The following COLEC12 variants were observed in gnomAD, a reference collection of about 807,000 sequenced individuals.
The protein encoded by COLEC12 is collectin subfamily member 12, also known as collectin-12.
In COLEC12, 33 loss-of-function variants were observed where a neutral mutation model predicts 71.1. The observed-to-expected ratio is 0.46, with a 90% CI of 0.35 to 0.62. The LOEUF (loss-of-function observed/expected upper bound fraction) is 0.62. Among genes scored for constraint, COLEC12 ranks in the 20% least tolerant of loss-of-function variants. The pLI is 0.00. For synonymous variants in COLEC12, 350 were observed against 353.0 expected, an observed-to-expected ratio of 0.99 and a Z score of 0.10; for missense variants, 765 against 916.1, an observed-to-expected ratio of 0.84 and a Z score of 2.13.
At chr18:372,379 TC>T (rs1418369705) in intron 2 of COLEC12, among the ~76,000 whole-genome samples, 1 of 152,136 alleles carries the variant, frequency 6.6e-6, no homozygotes, top group Non-Finnish European at 1.5e-5. Flanking sequence ...CAAAATAATT[TC>T]CCATATCATT....
At chr18:485,931 C>G (rs1324249822) in intron 1 of COLEC12, among the ~76,000 whole-genome samples, 1 of 152,208 alleles carries the variant, frequency 6.6e-6, no homozygotes, top group Non-Finnish European at 1.5e-5. Context: ...ACAGGAAACT[C>G]ATCACATTGT....
intron 2 of COLEC12, among the ~76,000 whole-genome samples, chr18:373,481 T>C (rs1915046304): frequency 6.6e-6 from 1 of 152,222 alleles, no homozygotes; most frequent in Non-Finnish European, 1.5e-5. Flanking sequence ...TACTAATTCC[T>C]CAGTGAGGAG....
intron 1 of COLEC12, among the ~76,000 whole-genome samples, chr18:490,022 T>C (rs973170998): frequency 6.6e-6 from 1 of 152,228 alleles, no homozygotes; most frequent in Non-Finnish European, 1.5e-5. Flanking sequence ...CCCTGGAATC[T>C]GGGCAGGCCC....
intron 1 of COLEC12, among the ~76,000 whole-genome samples, chr18:492,911 A>G (rs759774755): frequency 6.6e-6 from 1 of 152,334 alleles, no homozygotes; most frequent in East Asian, 1.9e-4. Flanking sequence ...TGTCACACTT[A>G]AGAGATTTCA....
intron 2 of COLEC12, among the ~76,000 whole-genome samples, chr18:465,190 C>T (rs548902425): frequency 1.3e-5 from 2 of 152,302 alleles, no homozygotes; most frequent in African/African-American, 4.8e-5. Context: ...GCAACCTCTG[C>T]CTCCCAGGTT....
intron 8 of COLEC12, among the ~76,000 whole-genome samples, chr18:326,687 T>G (rs1210054914): frequency 6.6e-6 from 1 of 152,152 alleles, no homozygotes; most frequent in African/African-American, 2.4e-5. Flanking sequence ...TTGAGACGTA[T>G]TTTATGGCCC....
intron 2 of COLEC12, among the ~76,000 whole-genome samples, chr18:417,807 T>C (rs1219790249): frequency 6.6e-6 from 1 of 152,200 alleles, no homozygotes; most frequent in African/African-American, 2.4e-5. Flanking sequence ...GTATTAGTTC[T>C]CCCTGGAGAC....
chr18:452,365 C>T lies in COLEC12; in HGVS notation c.58+28342G>A, dbSNP rs532839848. Among the ~76,000 whole-genome samples the T allele has an allele frequency of 9.9e-5, 15 of 152,230 alleles. No homozygotes were observed. The South Asian group carries it at 1.9e-3, about 19-fold the overall frequency. On this transcript the variant is annotated intron_variant, in intron 2 of 9. Transcript: ENST00000400256. ...GATAAAATGGGATACTTTCTTATAG[C>T]GCTATAGTAAGAATTAATTGAGATG... is the stretch of plus-strand genomic sequence containing the variant.
chr18:467,442 G>A (rs1252626851), intron 2 of COLEC12, among the ~76,000 whole-genome samples: 1 of 152,150 alleles, frequency 6.6e-6, no homozygotes, highest in South Asian at 2.1e-4. Flanking sequence ...CTTAAGAAGG[G>A]GCACAGCTAA....
At chr18:390,805 G>T (rs771820064) in intron 2 of COLEC12, among the ~76,000 whole-genome samples, 81 of 151,434 alleles carry the variant, frequency 5.3e-4, no homozygotes, top group Non-Finnish European at 1.0e-3. Flanking sequence ...CGGCTCCTTT[G>T]GTTTCTTTGG....
At chr18:471,932 A>C (rs1034741726) in intron 2 of COLEC12, among the ~76,000 whole-genome samples, 1 of 152,100 alleles carries the variant, frequency 6.6e-6, no homozygotes, top group South Asian at 2.1e-4. Context: ...GCCCCTGGGA[A>C]AGCTGCTTTG....
rs1917789466 is a variant in COLEC12, at chr18:500,054, C to G, written c.7+454G>C. ...AGAACATCCCCAGTCCCGGAGAAAA[C>G]ACCCGGCCGCCAGCGCGGGGACCGC... On this transcript the variant is annotated intron_variant, in intron 1 of 9. Coordinates refer to ENST00000400256, the MANE Select transcript of COLEC12 (RefSeq NM_130386.3). The surrounding 1 kb of genome is among the most constrained non-coding windows in gnomAD (Gnocchi z 5.3). Among the ~76,000 whole-genome samples, 1 of 152,228 alleles carries G rather than the reference C, an allele frequency of 6.6e-6. No individual in the cohort carries two copies. Among genetic ancestry groups the G allele is most frequent in the Non-Finnish European group, 1.5e-5 (1 of 68,042 alleles).
At chr18:367,761 G>A (rs1041005791) in intron 2 of COLEC12, among the ~76,000 whole-genome samples, 4 of 152,174 alleles carry the variant, frequency 2.6e-5, no homozygotes, top group Non-Finnish European at 5.9e-5. Context: ...ACGGAATGAC[G>A]ACCATCCCTG....
intron 2 of COLEC12, among the ~76,000 whole-genome samples, chr18:409,504 G>A (rs1202884430): frequency 2.6e-5 from 4 of 152,096 alleles, no homozygotes; most frequent in African/African-American, 7.2e-5. Flanking sequence ...CAGCCTGGGC[G>A]ACAAGAGCAA....
chr18:329,410 T>A (rs1426702567), intron 8 of COLEC12, among the ~76,000 whole-genome samples: 1 of 152,194 alleles, frequency 6.6e-6, no homozygotes, highest in Non-Finnish European at 1.5e-5. Context: ...ACCCCGGCGC[T>A]CTTGGCTGTC....
intron 2 of COLEC12, among the ~76,000 whole-genome samples, chr18:451,349 G>A (rs1374590379): frequency 6.6e-6 from 1 of 151,930 alleles, no homozygotes; most frequent in Non-Finnish European, 1.5e-5. Flanking sequence ...GAGCCCAAAA[G>A]TTTGGAAAAT....
intron 3 of COLEC12, among the ~76,000 whole-genome samples, chr18:355,017 C>A (rs758652841): frequency 2.6e-5 from 4 of 151,914 alleles, no homozygotes; most frequent in Non-Finnish European, 5.9e-5. Flanking sequence ...TGGAAGGCAG[C>A]CCTAATGCAC....
At chr18:415,662 C>G (rs1248244465) in intron 2 of COLEC12, among the ~76,000 whole-genome samples, 1 of 152,056 alleles carries the variant, frequency 6.6e-6, no homozygotes, top group Admixed American at 6.5e-5. Flanking sequence ...GCTGTATGTA[C>G]GAAGTCATGA....
intron 2 of COLEC12, among the ~76,000 whole-genome samples, chr18:410,374 G>A (rs1211501906): frequency 6.6e-6 from 1 of 151,564 alleles, no homozygotes; most frequent in African/African-American, 2.4e-5. Flanking sequence ...GACTGTGAAA[G>A]GTGGAGTAAA....
Sources: allele counts gnomAD v4.1 joint callset (sites outside exome capture counted in the v4.1 genomes callset), GRCh38; gene constraint gnomAD v4.1.1; non-coding constraint Gnocchi (gnomAD v3.1); transcripts MANE v1.5; gene names NCBI Gene and HGNC (gene_info 2026-07-23, HGNC 2026-07-21).